Variants in PTPA observed in about 807,000 individuals in gnomAD.
PTPA encodes the protein protein phosphatase 2 phosphatase activator, also known as serine/threonine-protein phosphatase 2A activator.
PTPA carries 13 observed loss-of-function variants against 43.6 expected under a neutral mutation model. The observed-to-expected ratio is 0.30, with a 90% CI of 0.19 to 0.47. The LOEUF (loss-of-function observed/expected upper bound fraction) is 0.47, where lower values mean the gene tolerates loss of function less well. PTPA is among the 20% of genes least tolerant of loss of function. PTPA has a pLI of 0.99. For missense variants in PTPA, 329 were observed against 411.9 expected (o/e 0.80, Z 1.74); for synonymous variants, 172 against 158.2 (o/e 1.09, Z -0.66).
intron 9 of PTPA, among the ~76,000 whole-genome samples, chr9:129,144,167 G>T (rs1307402921): frequency 6.6e-6 from 1 of 151,806 alleles, no homozygotes; most frequent in Non-Finnish European, 1.5e-5. Flanking sequence ...AGAACTCCAG[G>T]CTGCCAGAGG....
chr9:129,135,279 G>A (rs1763133101), intron 6 of PTPA, among the ~76,000 whole-genome samples: 1 of 152,270 alleles, frequency 6.6e-6, no homozygotes, highest in East Asian at 1.9e-4. Flanking sequence ...TGTAATTCCA[G>A]CTACTCAGGA....
chr9:129,147,594 T>G lies in PTPA; in HGVS notation c.*130T>G, dbSNP rs1851388821. 1 of 1,022,062 alleles carries G rather than the reference T, an allele frequency of 9.8e-7. No homozygotes were observed. Among genetic ancestry groups the G allele is most frequent in the East Asian group, 2.6e-5 (1 of 38,024 alleles). 63.3% of individuals were successfully genotyped at this position (1,022,062 alleles called of 1,614,324 possible). Reference sequence around the variant, plus strand: ...TGAGAGGCTGTTTACTGGGGTGGGGTGGCGAGATGGGCTTGAGGGGGCTCA... The same window carrying G: ...TGAGAGGCTGTTTACTGGGGTGGGGGGGCGAGATGGGCTTGAGGGGGCTCA... On this transcript the variant is annotated 3_prime_UTR_variant, in exon 10 of 10. Transcript: ENST00000393370.
intron 5 of PTPA, among the ~76,000 whole-genome samples, chr9:129,131,878 G>T (rs549157869): frequency 6.6e-6 from 1 of 152,326 alleles, no homozygotes; most frequent in African/African-American, 2.4e-5. Context: ...GATGCCCCGT[G>T]CATGGTGCTT....
In PTPA at chr9:129,148,843, C is replaced by T. The variant is rs1432555219; in HGVS notation, c.*1379C>T. On this transcript the variant is annotated 3_prime_UTR_variant, in exon 10 of 10. Transcript: ENST00000393370. ...AAGAGGCCCAGCGTCCACCTCTCTC[C>T]CAGGGCCAGACAGCCCTTCCTGGCT... 1 of 152,864 alleles carries T rather than the reference C, an allele frequency of 6.5e-6. No homozygotes were observed. The highest frequency in any genetic ancestry group is 1.9e-4 in the East Asian group (1 of 5,202). The allele number at this position is 152,864 out of a possible 1,614,324, so 9.5% of individuals were successfully genotyped here.
intron 1 of PTPA, among the ~76,000 whole-genome samples, chr9:129,112,882 G>T (rs1045684919): frequency 3.3e-5 from 5 of 151,924 alleles, no homozygotes; most frequent in Admixed American, 6.5e-5. Flanking sequence ...CAGAGGTTGC[G>T]GTGAGCTGAG....
intron 1 of PTPA, among the ~76,000 whole-genome samples, chr9:129,118,496 C>A (rs1010960881): frequency 1.3e-5 from 2 of 152,148 alleles, no homozygotes; most frequent in Non-Finnish European, 2.9e-5. Flanking sequence ...TCCTCAGCCT[C>A]CCAAGTAGCT....
chr9:129,123,035 T>C lies in PTPA; in HGVS notation c.130-17T>C. 1 of 1,588,024 alleles carries C rather than the reference T, an allele frequency of 6.3e-7. No homozygotes were observed. The highest frequency in any genetic ancestry group is 8.6e-7 in the Non-Finnish European group (1 of 1,161,116). ...GCCACCCCTCTCCCCATCCCCATTC[T>C]CCTCTCTGTTTGGTAGGCATACGCT... On this transcript the variant is annotated splice_polypyrimidine_tract_variant and intron_variant, in intron 2 of 9. Transcript: ENST00000393370.
chr9:129,146,769 C>A (rs1851328612), intron 9 of PTPA, among the ~76,000 whole-genome samples: 3 of 152,216 alleles, frequency 2.0e-5, no homozygotes, highest in Admixed American at 2.0e-4. Context: ...TGCTAGGAGC[C>A]CGGGCTGGGC....
At chr9:129,131,007 G>A (rs751702735) in intron 4 of PTPA, among the ~76,000 whole-genome samples, 3 of 152,174 alleles carry the variant, frequency 2.0e-5, no homozygotes, top group Non-Finnish European at 2.9e-5. Context: ...TTTCTTTGCT[G>A]TGTAGTATTC....
chr9:129,123,426 C>T (rs764383292), intron 3 of PTPA, among the ~76,000 whole-genome samples: 15 of 151,126 alleles, frequency 9.9e-5, no homozygotes, highest in South Asian at 6.3e-4. Flanking sequence ...GAGCTGAGAT[C>T]GCGCCACTGC....
At chr9:129,141,501 A>G (rs1183259829) in intron 8 of PTPA, 1 of 141,128 alleles carries the variant, frequency 7.1e-6, no homozygotes, top group Non-Finnish European at 1.5e-5. Flanking sequence ...GGCTGTGTCG[A>G]GGGGAATTAT....
chr9:129,114,253 C>T (rs1365738064), intron 1 of PTPA, among the ~76,000 whole-genome samples: 1 of 152,148 alleles, frequency 6.6e-6, no homozygotes, highest in Non-Finnish European at 1.5e-5. Context: ...GAACTCCTGG[C>T]CTCAAGTAAT....
At chr9:129,121,688 C>A (rs1330817825) in intron 2 of PTPA, among the ~76,000 whole-genome samples, 1 of 152,246 alleles carries the variant, frequency 6.6e-6, no homozygotes, top group African/African-American at 2.4e-5. Context: ...ATGCCTTTCC[C>A]CAGCTGTCAC....
chr9:129,129,475 CTT>C (rs1257781749), intron 4 of PTPA, among the ~76,000 whole-genome samples: 9 of 144,264 alleles, frequency 6.2e-5, no homozygotes, highest in Admixed American at 1.4e-4. Flanking sequence ...TTTATTTTAT[CTT>C]TTTTTTTTTT....
intron 6 of PTPA, among the ~76,000 whole-genome samples, chr9:129,136,242 C>T (rs569305014): frequency 7.9e-4 from 121 of 152,344 alleles, no homozygotes; most frequent in Admixed American, 2.4e-3. Context: ...GCTGGGATTA[C>T]AGGCGTGAGC....
upstream of PTPA, chr9:129,111,199 C>G (rs1364184903): frequency 1.9e-5 from 21 of 1,113,526 alleles, no homozygotes; most frequent in African/African-American, 3.3e-5. Flanking sequence ...AGGAGACTGT[C>G]CCGGAAAAAC....
intron 3 of PTPA, chr9:129,127,874 C>A: frequency 1.1e-6 from 1 of 871,662 alleles, no homozygotes; most frequent in Non-Finnish European, 1.7e-6. Flanking sequence ...AAACATTTAA[C>A]AGTGAGGAAT....
In PTPA at chr9:129,119,817, T is replaced by C. The variant is rs374096129; in HGVS notation, c.32-696T>C. The C allele has an allele frequency of 1.2e-4, 18 of 152,402 alleles. No individual in the cohort carries two copies. In the East Asian group the frequency reaches 1.7e-3, roughly 15 times the overall value. 9.4% of individuals were successfully genotyped at this position (152,402 alleles called of 1,614,324 possible). On this transcript the variant is annotated intron_variant, in intron 1 of 9. Coordinates refer to ENST00000393370, the MANE Select transcript of PTPA (RefSeq NM_178000.3). The stretch of plus-strand genomic sequence containing the variant: ...GAGAGGGAAGGGAGGGCATGGTTAT[T>C]GAAGGGATTGTCAGTATTGCCCTTC...
At chr9:129,133,818 A>T (rs1588514868) in intron 5 of PTPA, among the ~76,000 whole-genome samples, 1 of 152,218 alleles carries the variant, frequency 6.6e-6, no homozygotes, top group East Asian at 1.9e-4. Flanking sequence ...ACTGCCTTCG[A>T]CATACTGGCC....
Sources: gnomAD v4.1 joint callset for allele counts (sites outside exome capture counted in the v4.1 genomes callset) on GRCh38, gnomAD v4.1.1 for gene constraint, MANE v1.5 for transcripts, NCBI Gene and HGNC (gene_info 2026-07-23, HGNC 2026-07-21) for gene names.